The following SMURF2 variants were observed in gnomAD, a reference collection of about 807,000 sequenced individuals.
The protein encoded by SMURF2 is E3 ubiquitin-protein ligase SMURF2.
In SMURF2, 48 loss-of-function variants were observed where a neutral mutation model predicts 109.6. That is an observed-to-expected ratio of 0.44 (90% CI 0.35 to 0.56). The LOEUF (loss-of-function observed/expected upper bound fraction) is 0.56, where lower values mean the gene tolerates loss of function less well. SMURF2 is among the 20% of genes least tolerant of loss of function. The pLI is 0.01. For synonymous variants in SMURF2, 288 were observed against 317.1 expected, an observed-to-expected ratio of 0.91 and a Z score of 0.97; for missense variants, 575 against 909.0, an observed-to-expected ratio of 0.63 and a Z score of 4.72.
At chr17:64,645,617 A>G (rs1404043636) in intron 1 of SMURF2, among the ~76,000 whole-genome samples, 1 of 152,198 alleles carries the variant, frequency 6.6e-6, no homozygotes, top group African/African-American at 2.4e-5. Flanking sequence ...GGAAGAGAAT[A>G]ATTGGACATG....
At chr17:64,596,491 A>T (rs571459861) in intron 3 of SMURF2, among the ~76,000 whole-genome samples, 1 of 149,724 alleles carries the variant, frequency 6.7e-6, no homozygotes, top group Non-Finnish European at 1.5e-5. Flanking sequence ...AAGTCAAAGT[A>T]TATCTTCTGA....
chr17:64,624,053 C>G (rs1555690907), intron 1 of SMURF2, among the ~76,000 whole-genome samples: 1 of 152,176 alleles, frequency 6.6e-6, no homozygotes, highest in Non-Finnish European at 1.5e-5. Flanking sequence ...ACAATATTCA[C>G]TAATTTGTGA....
intron 8 of SMURF2, 149 bp downstream of exon 8, chr17:64,580,640 A>T: frequency 1.3e-6 from 1 of 765,628 alleles, no homozygotes; most frequent in Non-Finnish European, 2.1e-6. Flanking sequence ...ACCACTTCAA[A>T]GACTTTTCAA....
chr17:64,613,743 T>TGTGTGTGTGTGTGG (rs1970082164), intron 1 of SMURF2, among the ~76,000 whole-genome samples: 3 of 92,216 alleles, frequency 3.3e-5, no homozygotes, highest in Non-Finnish European at 4.5e-5. Context: ...TGTGTGTGTG[T>TGTGTGTGTGTGTGG]GGAGGGGGGG....
rs1213857111 is a variant in SMURF2, at chr17:64,605,241, A to G, written c.91+1361T>C. 2.6e-5 allele frequency among the ~76,000 whole-genome samples: 4 copies of G among 152,168 alleles called. No individual in the cohort carries two copies. The South Asian group carries it at 6.2e-4, about 24-fold the overall frequency. The stretch of plus-strand genomic sequence containing the variant: ...AGAAGGCACATGGTACATAAATTTA[A>G]ACTGCTTATAATTTGCGTCCTATGT... On this transcript the variant is annotated intron_variant, in intron 2 of 18. Transcript: ENST00000262435.
rs182465396 is a variant in SMURF2, at chr17:64,602,356, T to C, written c.92-3866A>G. ...AAATAAAATAATAAAAGAAAAACAA[T>C]TTTTTCCATACAAAATGTGGCTTCC... is the stretch of plus-strand genomic sequence containing the variant. On this transcript the variant is annotated intron_variant, in intron 2 of 18. Transcript: ENST00000262435. 4.9e-3 allele frequency among the ~76,000 whole-genome samples: 749 copies of C among 152,192 alleles called. 16 individuals are homozygous for C. The highest frequency in any genetic ancestry group is 0.046 in the Admixed American group (703 of 15,290).
At chr17:64,611,433 C>G (rs1434482468) in intron 1 of SMURF2, among the ~76,000 whole-genome samples, 1 of 152,082 alleles carries the variant, frequency 6.6e-6, no homozygotes, top group Non-Finnish European at 1.5e-5. Context: ...TGCGTTCCCC[C>G]CAAAAATCAC....
In SMURF2 at chr17:64,662,082, C is replaced by T. The variant is rs1452901875; in HGVS notation, c.-202G>A. On this transcript the variant is annotated 5_prime_UTR_variant, in exon 1 of 19. Coordinates refer to ENST00000262435, the MANE Select transcript of SMURF2 (RefSeq NM_022739.4). ...GCCGAGCTCCCCCCTCCTCCCACTT[C>T]TCCTTCCTCGGCCCGGGCCGCACAA... The T allele has an allele frequency of 2.8e-6, 3 of 1,082,308 alleles. No individual in the cohort carries two copies. The highest frequency in any genetic ancestry group is 4.3e-5 in the South Asian group (1 of 23,038). 67.0% of individuals were successfully genotyped at this position (1,082,308 alleles called of 1,614,324 possible).
intron 1 of SMURF2, among the ~76,000 whole-genome samples, chr17:64,619,803 T>C (rs1970178967): frequency 6.6e-6 from 1 of 152,088 alleles, no homozygotes; most frequent in Non-Finnish European, 1.5e-5. Context: ...ATGCATCACC[T>C]TCAAATACCA....
chr17:64,557,656 T>C lies in SMURF2; in HGVS notation c.1383A>G (p.Arg461=). The stretch of plus-strand genomic sequence containing the variant: ...TGATCTGCAATGTATAAATATCATC[T>C]CTTGAATACTGGAAGAGGCCATAGT... The part of the protein sequence containing the change: ...NPYYGLFQYS[R]DDIYTLQINP... The change falls in exon 13 of 19, where the codon AGA becomes AGG. Residue 461 remains arginine, a synonymous_variant. Transcript: ENST00000262435. 1 of 1,612,290 alleles carries C rather than the reference T, an allele frequency of 6.2e-7. No individual in the cohort carries two copies. Among genetic ancestry groups the C allele is most frequent in the Non-Finnish European group, 8.5e-7 (1 of 1,178,742 alleles).
chr17:64,617,141 C>T (rs1395200590), intron 1 of SMURF2, among the ~76,000 whole-genome samples: 3 of 143,354 alleles, frequency 2.1e-5, no homozygotes, highest in South Asian at 4.4e-4. Flanking sequence ...GTTCACAAAA[C>T]GGTTAATTGA....
rs796398402 is a variant in SMURF2 at position 64,661,084 on chromosome 17, A to C, written c.52+745T>G. Among the ~76,000 whole-genome samples, 16 of 151,940 alleles carry C rather than the reference A, an allele frequency of 1.1e-4. 1 individual carries two copies. Among genetic ancestry groups the C allele is most frequent in the African/African-American group, 3.9e-4 (16 of 41,458 alleles). ...ACATACTTAGCAATGCACCCCCCCCAAAAAAGTGTGTTTTTAAAGCAGGTC... is the reference window on the plus strand; with the variant it reads ...ACATACTTAGCAATGCACCCCCCCCCAAAAAGTGTGTTTTTAAAGCAGGTC... On this transcript the variant is annotated intron_variant, in intron 1 of 18. Transcript: ENST00000262435.
chr17:64,592,949 T>C (rs1969770197), intron 4 of SMURF2: 1 of 152,250 alleles, frequency 6.6e-6, no homozygotes, highest in Admixed American at 6.5e-5. Flanking sequence ...AGCAGTTTTA[T>C]GTATTATACC....
chr17:64,613,711 T>TGTGTGA (rs1970079200), intron 1 of SMURF2, among the ~76,000 whole-genome samples: 2 of 132,632 alleles, frequency 1.5e-5, no homozygotes, highest in African/African-American at 6.1e-5. Context: ...TGTGTGTGTG[T>TGTGTGA]GTGTGTGTGT....
At chr17:64,561,697 C>A in intron 11 of SMURF2, 94 bp from the exon 12 acceptor site, 1 of 945,066 alleles carries the variant, frequency 1.1e-6, no homozygotes, top group South Asian at 1.6e-5. Flanking sequence ...AAACTCAAGT[C>A]TAAATAAGGT....
In SMURF2 at chr17:64,566,560, G is replaced by GGTTT. The variant is rs1443133137; in HGVS notation, c.1017-3598_1017-3595dup. ...GGATGTAGAAATGCTTAAGCTTTCTGGTTTTTTTTTTTTTTTTTTTTTTTT... is the reference window on the plus strand; with the variant it reads ...GGATGTAGAAATGCTTAAGCTTTCTGGTTTGTTTTTTTTTTTTTTTTTTTTTTTT... On this transcript the variant is annotated intron_variant, in intron 10 of 18. Coordinates refer to ENST00000262435, the MANE Select transcript of SMURF2 (RefSeq NM_022739.4). Among the ~76,000 whole-genome samples the GGTTT allele has an allele frequency of 2.4e-3, 86 of 36,460 alleles. 8 individuals are homozygous for GGTTT. Among genetic ancestry groups the GGTTT allele is most frequent in the African/African-American group, 7.6e-3 (82 of 10,760 alleles). 23.9% of individuals were successfully genotyped at this position (36,460 alleles called of 152,430 possible).
At chr17:64,566,185 T>C (rs1354336345) in intron 10 of SMURF2, among the ~76,000 whole-genome samples, 1 of 150,876 alleles carries the variant, frequency 6.6e-6, no homozygotes, top group Non-Finnish European at 1.5e-5. Flanking sequence ...CATATCCTGA[T>C]ATGTAAAGAT....
intron 1 of SMURF2, among the ~76,000 whole-genome samples, chr17:64,631,961 CGGGG>C (rs782202552): frequency 0.042 from 417 of 9,928 alleles, 4 homozygotes; most frequent in East Asian, 0.071. Context: ...TCTTTTTTTG[CGGGG>C]GGGGGGGGGG....
Position 64,547,679 on chromosome 17 carries a change from A to T in SMURF2, c.1992T>A (p.Asp664Glu). ...GAAGCAATCTTGCTCGTCGCTCTTC[A>T]TCAAAAAACTCCACAGCTTTCCAGA... ...KWFWKAVEFF[D>E]EERRARLLQF... The change falls in exon 17 of 19, where the codon GAT (aspartate) becomes GAA (glutamate). Residue 664 changes from aspartate (D) to glutamate (E), a missense_variant. By Grantham distance (45) the Asp-to-Glu change is conservative. This residue lies in a region of SMURF2 where 361 missense variants were observed against 612.1 expected (regional missense o/e 0.59). Coordinates refer to ENST00000262435, the MANE Select transcript of SMURF2 (RefSeq NM_022739.4). The surrounding 1 kb of genome is among the most constrained non-coding windows in gnomAD (Gnocchi z 4.2). 1 of 1,614,040 alleles carries T rather than the reference A, an allele frequency of 6.2e-7. No homozygotes were observed. Among genetic ancestry groups the T allele is most frequent in the Non-Finnish European group, 8.5e-7 (1 of 1,180,016 alleles).
Sources: allele counts gnomAD v4.1 joint callset (sites outside exome capture counted in the v4.1 genomes callset), GRCh38; gene constraint gnomAD v4.1.1; regional missense constraint gnomAD v4.1.1; non-coding constraint Gnocchi (gnomAD v3.1); transcripts MANE v1.5; gene names NCBI Gene and HGNC (gene_info 2026-07-23, HGNC 2026-07-21).